Variants in MACROD2 observed in about 807,000 individuals in gnomAD.
MACROD2 encodes the protein mono-ADP ribosylhydrolase 2.
A neutral mutation model predicts 70.4 loss-of-function variants in MACROD2; 36 were observed. That is an observed-to-expected ratio of 0.51 (90% confidence interval 0.39 to 0.68). The LOEUF (loss-of-function observed/expected upper bound fraction) is 0.68, where lower values mean the gene tolerates loss of function less well. MACROD2 is among the 30% of genes least tolerant of loss of function. MACROD2 has a pLI of 0.00. For synonymous variants in MACROD2, 172 were observed against 178.8 expected (o/e 0.96, Z 0.30); for missense variants, 496 against 538.4 (o/e 0.92, Z 0.78).
At chr20:14,458,372 T>C (rs956111050) in intron 3 of MACROD2, among the ~76,000 whole-genome samples, 3 of 152,148 alleles carry the variant, frequency 2.0e-5, no homozygotes, top group African/African-American at 7.2e-5. Flanking sequence ...TACTTTTTAA[T>C]GAGATGAGGA....
chr20:15,939,611 T>C (rs2065720863), intron 12 of MACROD2, among the ~76,000 whole-genome samples: 1 of 151,804 alleles, frequency 6.6e-6, no homozygotes, highest in Non-Finnish European at 1.5e-5. Flanking sequence ...AATGTTGTTT[T>C]CATGCCTGCT....
At chr20:14,418,416 C>T (rs546401117) in intron 3 of MACROD2, among the ~76,000 whole-genome samples, 30 of 152,242 alleles carry the variant, frequency 2.0e-4, no homozygotes, top group African/African-American at 6.3e-4. Flanking sequence ...TGTGTTGGAA[C>T]CATCCATTTG....
chr20:14,524,636 A>G, intron 4 of MACROD2, among the ~76,000 whole-genome samples: 1 of 152,152 alleles, frequency 6.6e-6, no homozygotes, highest in African/African-American at 2.4e-5. Context: ...TGGGATGCTC[A>G]TGCTCTTGTC....
intron 8 of MACROD2, among the ~76,000 whole-genome samples, chr20:15,819,302 T>G (rs1297075166): frequency 7.0e-6 from 1 of 142,676 alleles, no homozygotes. Flanking sequence ...TATAAGTATA[T>G]AAATATATAT....
At chr20:15,506,559 T>C (rs2047428372) in intron 8 of MACROD2, among the ~76,000 whole-genome samples, 1 of 152,206 alleles carries the variant, frequency 6.6e-6, no homozygotes. Flanking sequence ...GCCACTTTTA[T>C]TTCAGCATCA....
At chr20:15,053,664 A>G (rs2123059670) in intron 5 of MACROD2, among the ~76,000 whole-genome samples, 1 of 152,350 alleles carries the variant, frequency 6.6e-6, no homozygotes, top group South Asian at 2.1e-4. Context: ...ATTGGCATTG[A>G]TTATGCCTGC....
intron 5 of MACROD2, among the ~76,000 whole-genome samples, chr20:15,032,496 A>C (rs1435514712): frequency 1.3e-5 from 2 of 152,216 alleles, no homozygotes; most frequent in Non-Finnish European, 2.9e-5. Context: ...CACGGAGCTG[A>C]GAGCCAAGAC....
chr20:15,007,775 C>T (rs1869103069), intron 5 of MACROD2, among the ~76,000 whole-genome samples: 1 of 152,210 alleles, frequency 6.6e-6, no homozygotes, highest in South Asian at 2.1e-4. Flanking sequence ...GCGTCTACCT[C>T]CAACACCACA....
intron 5 of MACROD2, among the ~76,000 whole-genome samples, chr20:14,789,068 C>A (rs1568796617): frequency 6.6e-6 from 1 of 151,824 alleles, no homozygotes; most frequent in Admixed American, 6.6e-5. Flanking sequence ...CACGCCTGGT[C>A]CCCGTGTTAT....
intron 6 of MACROD2, among the ~76,000 whole-genome samples, chr20:15,336,154 A>T (rs1394394507): frequency 6.6e-6 from 1 of 151,646 alleles, no homozygotes; most frequent in Non-Finnish European, 1.5e-5. Context: ...TGTTAGTAAA[A>T]TTAAATGTTA....
chr20:16,019,713 C>T (rs1320605809), intron 15 of MACROD2, among the ~76,000 whole-genome samples: 2 of 152,156 alleles, frequency 1.3e-5, no homozygotes, highest in African/African-American at 4.8e-5. Flanking sequence ...GATTCTTAGG[C>T]CCACCACAAA....
intron 3 of MACROD2, among the ~76,000 whole-genome samples, chr20:14,237,390 T>C (rs1188922934): frequency 6.6e-6 from 1 of 152,018 alleles, no homozygotes; most frequent in Admixed American, 6.5e-5. Flanking sequence ...GTGGGACTCC[T>C]ATGAGACAAA....
intron 4 of MACROD2, among the ~76,000 whole-genome samples, chr20:14,591,202 G>C (rs1364668288): frequency 6.6e-6 from 1 of 151,848 alleles, no homozygotes; most frequent in South Asian, 2.1e-4. Context: ...ATTTTATTTT[G>C]AATAGTTTAG....
At chr20:15,904,219 A>G (rs1288229128) in intron 10 of MACROD2, among the ~76,000 whole-genome samples, 1 of 151,998 alleles carries the variant, frequency 6.6e-6, no homozygotes, top group Non-Finnish European at 1.5e-5. Flanking sequence ...GGGTCTCACT[A>G]TGTTGCTGAG....
chr20:15,701,513 C>A (rs2050458355), intron 8 of MACROD2, among the ~76,000 whole-genome samples: 1 of 152,156 alleles, frequency 6.6e-6, no homozygotes, highest in Admixed American at 6.5e-5. Flanking sequence ...GTTCCAATGG[C>A]TTCAAGTTTG....
chr20:14,991,025 T>G (rs1313731965), intron 5 of MACROD2, among the ~76,000 whole-genome samples: 4 of 152,148 alleles, frequency 2.6e-5, no homozygotes, highest in Non-Finnish European at 5.9e-5. Flanking sequence ...TTTTCAACAT[T>G]TATTTAGTTT....
intron 6 of MACROD2, among the ~76,000 whole-genome samples, chr20:15,370,777 GA>G (rs888177441): frequency 6.6e-6 from 1 of 151,888 alleles, no homozygotes; most frequent in African/African-American, 2.4e-5. Context: ...AGACCACCTA[GA>G]TTTTTTTAAC....
At chr20:15,336,779 T>C (rs1001736610) in intron 6 of MACROD2, among the ~76,000 whole-genome samples, 3 of 151,710 alleles carry the variant, frequency 2.0e-5, no homozygotes, top group African/African-American at 7.3e-5. Flanking sequence ...ATTTTTCCTT[T>C]TAACCGTAAC....
chr20:14,953,464 G>A (rs1360077912), intron 5 of MACROD2, among the ~76,000 whole-genome samples: 3 of 152,026 alleles, frequency 2.0e-5, no homozygotes, highest in Non-Finnish European at 4.4e-5. Context: ...CTGCCACCAC[G>A]CCCAGCTAAT....
Sources: gnomAD v4.1 joint callset for allele counts (sites outside exome capture counted in the v4.1 genomes callset) on GRCh38, gnomAD v4.1.1 for gene constraint, MANE v1.5 for transcripts, NCBI Gene and HGNC (gene_info 2026-07-23, HGNC 2026-07-21) for gene names.